The following SCN3B variants were observed in gnomAD, a reference collection of about 807,000 sequenced individuals.
The protein encoded by SCN3B is sodium channel regulatory subunit beta-3.
Under a neutral mutation model 25.4 loss-of-function variants are expected in SCN3B, and 11 were observed. The observed-to-expected ratio is 0.43, with a 90% CI of 0.27 to 0.72. The LOEUF is 0.72. SCN3B is among the 30% of genes least tolerant of loss of function. The probability of loss-of-function intolerance (pLI) is 0.18; values close to 1 mark genes in which losing one functional copy is unlikely to be tolerated. For missense variants in SCN3B, 218 were observed against 278.3 expected (o/e 0.78, Z 1.54); for synonymous variants, 109 against 110.7 (o/e 0.99, Z 0.09).
chr11:123,645,618 A>G lies in SCN3B; in HGVS notation c.188T>C (p.Phe63Ser). The G allele has an allele frequency of 6.2e-7, 1 of 1,614,166 alleles. No individual in the cohort carries two copies. The highest frequency in any genetic ancestry group is 1.7e-5 in the Admixed American group (1 of 60,030). Residue 63 changes from phenylalanine (F) to serine (S), a missense_variant, in exon 3 of 7, where the codon TTC becomes TCC. Phe to Ser is a radical substitution (Grantham distance 155, BLOSUM62 -2). Coordinates refer to ENST00000299333, the MANE Select transcript of SCN3B (RefSeq NM_001040151.2). ...EVEATTVVEW[F>S]YRPEGGKDFL... Reference sequence around the variant, plus strand: ...ATCTTTACCGCCCTCGGGCCTGTAGAACCATTCCACCACCGTGGTGGCCTC... The same window carrying G: ...ATCTTTACCGCCCTCGGGCCTGTAGGACCATTCCACCACCGTGGTGGCCTC...
At chr11:123,639,836 T>C (rs920830943) in intron 4 of SCN3B, 2 of 152,198 alleles carry the variant, frequency 1.3e-5, no homozygotes, top group Admixed American at 1.3e-4. Flanking sequence ...ACTTATTGAA[T>C]GAGTGAAAAT....
At chr11:123,633,968 A>T (rs1955698883) in intron 6 of SCN3B, 153 bp downstream of exon 6, 1 of 649,426 alleles carries the variant, frequency 1.5e-6, no homozygotes, top group African/African-American at 1.8e-5. Flanking sequence ...GAGCTTTCTG[A>T]CTTAAAGAAT....
In SCN3B at chr11:123,631,836, T is replaced by A. The variant is rs112583971; in HGVS notation, c.*1963A>T. On this transcript the variant is annotated 3_prime_UTR_variant, in exon 7 of 7. Transcript: ENST00000299333. ...AGAGTGAGAATCTGTCTCAAAAAAA[T>A]AATAATAAATAAATAAAAATTTAAA... 2 of 151,934 alleles carry A rather than the reference T, an allele frequency of 1.3e-5. No individual in the cohort carries two copies. The highest frequency in any genetic ancestry group is 1.9e-4 in the East Asian group (1 of 5,170). 9.4% of individuals were successfully genotyped at this position (151,934 alleles called of 1,614,324 possible).
intron 5 of SCN3B, among the ~76,000 whole-genome samples, chr11:123,637,532 ATTG>A (rs754296860): frequency 7.3e-5 from 11 of 151,610 alleles, no homozygotes; most frequent in Non-Finnish European, 1.3e-4. Context: ...TTGGGCTTTT[ATTG>A]TTGTTGTTTT....
chr11:123,645,522 C>G (rs547588304), intron 3 of SCN3B, 65 bp downstream of exon 3: 2 of 1,558,968 alleles, frequency 1.3e-6, no homozygotes, highest in Admixed American at 3.3e-5. Flanking sequence ...CCCGGACTGT[C>G]AGGAGCCAGG....
At chr11:123,644,834 T>TAC (rs1955835074) in intron 3 of SCN3B, among the ~76,000 whole-genome samples, 2 of 129,646 alleles carry the variant, frequency 1.5e-5, no homozygotes, top group Non-Finnish European at 3.3e-5. Context: ...TATATATATA[T>TAC]ATATATACAC....
At position 123,642,468 on chromosome 11, in the gene SCN3B, G is replaced by C. The variant is rs879253730; in HGVS notation, c.423C>G (p.Ile141Met). 13 of 1,614,154 alleles carry C rather than the reference G, an allele frequency of 8.1e-6. No individual in the cohort carries two copies. Among genetic ancestry groups the C allele is most frequent in the Non-Finnish European group, 1.1e-5 (13 of 1,180,028 alleles). The change falls in exon 4 of 7, where the codon ATC (isoleucine) becomes ATG (methionine). Residue 141 changes from isoleucine to methionine, a missense_variant. By Grantham distance (10) the Ile-to-Met change is conservative. Coordinates refer to ENST00000299333, the MANE Select transcript of SCN3B (RefSeq NM_001040151.2). This position sits in a 1 kb window ranked among gnomAD's most constrained non-coding sequence, Gnocchi z 4.3. The stretch of plus-strand genomic sequence containing the variant: ...CACCCTCCTCGGTGACTCTTAGGGG[G>C]ATCAGCCGCGTCGTCTTCACAAAGG... The part of the protein sequence containing the change: ...HRPFVKTTRL[I>M]PLRVTEEAGE...
Position 123,630,251 on chromosome 11 carries a change from G to A in SCN3B, c.*3548C>T, listed in dbSNP as rs190602957. ...GACAGGCAGGGAGTGTTTGGGTTGG[G>A]GCTCTGATTCAAGACCGAGGTGACA... On this transcript the variant is annotated 3_prime_UTR_variant, in exon 7 of 7. Coordinates refer to ENST00000299333, the MANE Select transcript of SCN3B (RefSeq NM_001040151.2). The A allele has an allele frequency of 6.5e-6, 1 of 152,764 alleles. No homozygotes were observed. The highest frequency in any genetic ancestry group is 1.9e-4 in the East Asian group (1 of 5,184). 9.5% of individuals were successfully genotyped at this position (152,764 alleles called of 1,614,324 possible).
chr11:123,634,284 C>T, intron 5 of SCN3B, 78 bp from the exon 6 acceptor site: 1 of 1,169,048 alleles, frequency 8.6e-7, no homozygotes, highest in South Asian at 1.2e-5. Flanking sequence ...GAGCAGGGCA[C>T]AGGAGCAAGG....
chr11:123,646,438 T>A (rs894710558), intron 2 of SCN3B, among the ~76,000 whole-genome samples: 3 of 152,150 alleles, frequency 2.0e-5, no homozygotes, highest in Admixed American at 6.5e-5. Flanking sequence ...TGTTTTAAAG[T>A]CGTGGAGAGA....
chr11:123,634,448 T>C lies in SCN3B; in HGVS notation c.585-242A>G, dbSNP rs372781353. Among the ~76,000 whole-genome samples the C allele has an allele frequency of 1.2e-4, 18 of 152,370 alleles. No individual in the cohort carries two copies. The East Asian group carries it at 3.5e-3, about 29-fold the overall frequency. On this transcript the variant is annotated intron_variant, in intron 5 of 6. Coordinates refer to ENST00000299333, the MANE Select transcript of SCN3B (RefSeq NM_001040151.2). The stretch of plus-strand genomic sequence containing the variant: ...ATTTATCCAGGTTGTCTTCAGCATT[T>C]AGTTAGATTATTATGTTGGCCAAGG...
Position 123,642,518 on chromosome 11 carries a change from C to T in SCN3B, c.373G>A (p.Glu125Lys). 1 of 1,614,194 alleles carries T rather than the reference C, an allele frequency of 6.2e-7. No homozygotes were observed. The highest frequency in any genetic ancestry group is 1.1e-5 in the South Asian group (1 of 91,084). The change falls in exon 4 of 7, where the codon GAG (glutamate) becomes AAG (lysine). Residue 125 changes from glutamate to lysine, a missense_variant. By Grantham distance (56) the Glu-to-Lys change is moderately conservative. Coordinates refer to ENST00000299333, the MANE Select transcript of SCN3B (RefSeq NM_001040151.2). This position sits in a 1 kb window ranked among gnomAD's most constrained non-coding sequence, Gnocchi z 4.3. Reference protein sequence around the residue: ...SGLYTCNVSREFEFEAHRPFV... With the variant: ...SGLYTCNVSRKFEFEAHRPFV... ...GGCCGATGCGCCTCAAACTCAAACT[C>T]CCGGGACACATTGCAGGTGTAGAGG...
At chr11:123,636,886 G>A (rs1169502930) in intron 5 of SCN3B, among the ~76,000 whole-genome samples, 1 of 151,954 alleles carries the variant, frequency 6.6e-6, no homozygotes, top group Non-Finnish European at 1.5e-5. Context: ...GTAGAGACAG[G>A]GTTTCACCAT....
intron 3 of SCN3B, among the ~76,000 whole-genome samples, chr11:123,643,392 A>T (rs955542350): frequency 6.6e-6 from 1 of 152,210 alleles, no homozygotes; most frequent in African/African-American, 2.4e-5. Context: ...AGCCAAACTC[A>T]TTTCTGACTC....
At chr11:123,645,805 C>T (rs1419865495) in intron 2 of SCN3B, 55 bp from the exon 3 acceptor site, 1 of 1,582,678 alleles carries the variant, frequency 6.3e-7, no homozygotes, top group Admixed American at 1.7e-5. Context: ...GGGAGGGGCA[C>T]AGGAGAGAAA....
chr11:123,646,616 C>T (rs1324764015), intron 2 of SCN3B, among the ~76,000 whole-genome samples: 1 of 152,168 alleles, frequency 6.6e-6, no homozygotes, highest in East Asian at 1.9e-4. Context: ...GATTGTGGGA[C>T]ACCTTGCATG....
In SCN3B at chr11:123,634,159, A is replaced by C. The variant is rs750969469; in HGVS notation, c.632T>G (p.Val211Gly). The C allele has an allele frequency of 1.2e-6, 2 of 1,613,750 alleles. No individual in the cohort carries two copies. The highest frequency in any genetic ancestry group is 3.3e-5 in the Admixed American group (2 of 59,988). Residue 211 changes from valine (V) to glycine (G), a missense_variant, in exon 6 of 7, where the codon GTA (valine) becomes GGA (glycine). By Grantham distance (109) the Val-to-Gly change is moderately radical (BLOSUM62 -3). Coordinates refer to ENST00000299333, the MANE Select transcript of SCN3B (RefSeq NM_001040151.2). ...GCTCCTGTTCTATTCCTCCACTGGT[A>C]CCGCAGAGTTCTCCTTGTTCTCAGA... ...IPSENKENSA[V>G]PVEE
chr11:123,653,938 G>C (rs1036347448), intron 1 of SCN3B, 112 bp from the exon 2 acceptor site: 1 of 1,007,278 alleles, frequency 9.9e-7, no homozygotes, highest in African/African-American at 1.6e-5. Flanking sequence ...AGGAAGGGCC[G>C]AGCACCGGTG....
intron 4 of SCN3B, chr11:123,640,174 G>A (rs909759601): frequency 9.9e-5 from 15 of 152,218 alleles, no homozygotes; most frequent in Non-Finnish European, 1.6e-4. Context: ...ATGCCGTACA[G>A]CTCAAACATC....
Sources: allele counts gnomAD v4.1 joint callset (sites outside exome capture counted in the v4.1 genomes callset), GRCh38; gene constraint gnomAD v4.1.1; non-coding constraint Gnocchi (gnomAD v3.1); transcripts MANE v1.5; gene names NCBI Gene and HGNC (gene_info 2026-07-23, HGNC 2026-07-21).